Variants in CUBN observed in about 807,000 individuals in gnomAD.
CUBN encodes the protein 460 kDa receptor.
Under a neutral mutation model 405.3 loss-of-function variants are expected in CUBN, and 282 were observed. That is an observed-to-expected ratio of 0.70 (90% CI 0.63 to 0.77). CUBN has a LOEUF of 0.77. Ranked by LOEUF, CUBN falls within the 30% of genes least tolerant of loss-of-function variation. The pLI, the probability that CUBN is intolerant of heterozygous loss-of-function variation, is 0.00. For missense variants in CUBN, 4,514 were observed against 4,475.2 expected (o/e 1.01, Z -0.25); for synonymous variants, 1,684 against 1,617.0 (o/e 1.04, Z -0.99).
At chr10:17,102,799 G>C (rs1194823643) in intron 13 of CUBN, among the ~76,000 whole-genome samples, 1 of 151,432 alleles carries the variant, frequency 6.6e-6, no homozygotes, top group African/African-American at 2.4e-5. Flanking sequence ...TTTATTTTTA[G>C]TAGAGACAGG....
intron 38 of CUBN, among the ~76,000 whole-genome samples, chr10:16,938,001 G>A (rs1393745413): frequency 6.6e-6 from 1 of 152,038 alleles, no homozygotes; most frequent in Non-Finnish European, 1.5e-5. Context: ...CATCTTTGTT[G>A]CAGAATTATA....
chr10:16,884,896 C>T (rs1265460287), intron 56 of CUBN, among the ~76,000 whole-genome samples: 1 of 151,904 alleles, frequency 6.6e-6, no homozygotes, highest in Non-Finnish European at 1.5e-5. Flanking sequence ...TCAACACTGG[C>T]TCTGCTGGGA....
chr10:17,126,004 C>T (rs550699412), intron 4 of CUBN, among the ~76,000 whole-genome samples: 1 of 152,234 alleles, frequency 6.6e-6, no homozygotes, highest in East Asian at 1.9e-4. Context: ...CTGCATGAGT[C>T]CTTTTTTTTG....
At chr10:17,063,333 C>A (rs1296121101) in intron 22 of CUBN, among the ~76,000 whole-genome samples, 1 of 152,198 alleles carries the variant, frequency 6.6e-6, no homozygotes, top group East Asian at 1.9e-4. Flanking sequence ...CAGCCGGGCT[C>A]AGCCCAGGGA....
In CUBN at chr10:17,071,816, T is replaced by G. The variant is rs372125740; in HGVS notation, c.2446+11A>C. 7 of 1,610,492 alleles carry G rather than the reference T, an allele frequency of 4.3e-6. No homozygotes were observed. Among genetic ancestry groups the G allele is most frequent in the Non-Finnish European group, 5.9e-6 (7 of 1,178,982 alleles). On this transcript the variant is annotated intron_variant, in intron 18 of 66. Coordinates refer to ENST00000377833, the MANE Select transcript of CUBN (RefSeq NM_001081.4). ...GCAAATTAGACATTTAAAAATTATA[T>G]GTTTCCTTACCGACTTGATAAACAG...
intron 40 of CUBN, among the ~76,000 whole-genome samples, chr10:16,932,544 C>A (rs1315995401): frequency 6.6e-6 from 1 of 152,186 alleles, no homozygotes; most frequent in Non-Finnish European, 1.5e-5. Flanking sequence ...ACCTATTCTA[C>A]CCACATTCAG....
chr10:16,940,986 C>T (rs775200913), intron 36 of CUBN, among the ~76,000 whole-genome samples: 27 of 152,098 alleles, frequency 1.8e-4, no homozygotes, highest in African/African-American at 3.4e-4. Context: ...TCTGCAACTA[C>T]GATGTGTTGG....
rs371636377 is a variant in CUBN at position 16,836,354 on chromosome 10, C to A, written c.10061G>T (p.Cys3354Phe). The change falls in exon 63 of 67, where the codon TGT becomes TTT. Residue 3354 changes from cysteine to phenylalanine, a missense_variant. Physicochemically the swap from Cys to Phe is radical, Grantham distance 205 (BLOSUM62 -2). This residue lies in a region of CUBN where 1,186 missense variants were observed against 1,186.9 expected (regional missense o/e 1.00). Coordinates refer to ENST00000377833, the MANE Select transcript of CUBN (RefSeq NM_001081.4). ...TGGCACAGCCGAAGCATTTCTGCCA[C>A]AGAACTGAAATCTTGAATTTCCGTG... ...QGHGNSRFQF[C>F]GRNASAVPVF... 1 of 1,614,110 alleles carries A rather than the reference C, an allele frequency of 6.2e-7. No individual in the cohort carries two copies. The highest frequency in any genetic ancestry group is 8.5e-7 in the Non-Finnish European group (1 of 1,179,952).
intron 22 of CUBN, among the ~76,000 whole-genome samples, chr10:17,049,340 C>A (rs192507452): frequency 2.0e-5 from 3 of 152,150 alleles, no homozygotes; most frequent in Admixed American, 1.3e-4. Flanking sequence ...GCCAGTAAAT[C>A]AAATATTTAG....
chr10:16,997,732 G>T (rs556684421), intron 28 of CUBN, among the ~76,000 whole-genome samples: 3 of 152,290 alleles, frequency 2.0e-5, no homozygotes, highest in South Asian at 4.1e-4. Context: ...GGCCAAAGTT[G>T]TCCAAAGGTG....
At chr10:16,882,862 T>C (rs1840701302) in intron 56 of CUBN, among the ~76,000 whole-genome samples, 1 of 151,762 alleles carries the variant, frequency 6.6e-6, no homozygotes, top group Admixed American at 6.6e-5. Context: ...AAAAATACAA[T>C]TATTAGCTGG....
At chr10:16,963,914 G>C (rs1317209660) in intron 31 of CUBN, among the ~76,000 whole-genome samples, 2 of 152,148 alleles carry the variant, frequency 1.3e-5, no homozygotes, top group African/African-American at 4.8e-5. Flanking sequence ...AAACCTTCAT[G>C]GGAATCACAA....
chr10:16,862,449 G>A (rs865984084), intron 59 of CUBN, among the ~76,000 whole-genome samples: 1 of 152,088 alleles, frequency 6.6e-6, no homozygotes, highest in Admixed American at 6.6e-5. Flanking sequence ...TGCTACATCT[G>A]GTAGGGCACA....
intron 33 of CUBN, among the ~76,000 whole-genome samples, chr10:16,951,951 A>G (rs937211577): frequency 1.3e-5 from 2 of 152,158 alleles, no homozygotes; most frequent in African/African-American, 4.8e-5. Flanking sequence ...TTTACCCCCA[A>G]TCTCATACGC....
In CUBN at chr10:17,115,511, T is replaced by C. The variant is rs371001896; in HGVS notation, c.680A>G (p.His227Arg). Reference sequence around the variant, plus strand: ...TCGCATTAAATCCTCACAGATGCCATGGACACAGCGTGCCACAGAACCCCC... The same window carrying C: ...TCGCATTAAATCCTCACAGATGCCACGGACACAGCGTGCCACAGAACCCCC... Reference protein sequence around the residue: ...CEGGSVARCVHGICEDLMREQ... With the variant: ...CEGGSVARCVRGICEDLMREQ... The change falls in exon 7 of 67, where the codon CAT becomes CGT. Residue 227 changes from histidine (H) to arginine (R), a missense_variant. Around this residue, in one of 5 missense-constraint regions of CUBN, gnomAD observed 1,448 missense variants for 1,388.0 expected, o/e 1.04. Coordinates refer to ENST00000377833, the MANE Select transcript of CUBN (RefSeq NM_001081.4). 54 of 1,614,156 alleles carry C rather than the reference T, an allele frequency of 3.3e-5. No homozygotes were observed. The highest frequency in any genetic ancestry group is 5.3e-5 in the African/African-American group (4 of 75,028).
chr10:17,071,658 C>T (rs897439472), intron 18 of CUBN, 54 bp from the exon 19 acceptor site: 3 of 1,567,450 alleles, frequency 1.9e-6, no homozygotes, highest in Non-Finnish European at 2.6e-6. Context: ...AATTTTATCT[C>T]AATTTTATTG....
intron 31 of CUBN, among the ~76,000 whole-genome samples, chr10:16,960,743 C>A (rs1369016799): frequency 6.6e-6 from 1 of 152,146 alleles, no homozygotes; most frequent in Admixed American, 6.5e-5. Flanking sequence ...ATAGTAGACA[C>A]AATTGTGGGT....
At chr10:16,999,474 T>G (rs10508518) in intron 28 of CUBN, among the ~76,000 whole-genome samples, 39,411 of 152,174 alleles carry the variant, frequency 0.26, 5,824 homozygotes, top group East Asian at 0.42. Context: ...AGAAATCCCT[T>G]GCTTACAATT....
intron 59 of CUBN, 73 bp downstream of exon 59, chr10:16,869,563 G>A (rs945370126): frequency 1.7e-5 from 17 of 979,456 alleles, no homozygotes; most frequent in African/African-American, 3.4e-5. Context: ...GGGGTGGGGG[G>A]GGGGCGGGGA....
Sources: allele counts gnomAD v4.1 joint callset (sites outside exome capture counted in the v4.1 genomes callset), GRCh38; gene constraint gnomAD v4.1.1; regional missense constraint gnomAD v4.1.1; transcripts MANE v1.5; gene names NCBI Gene and HGNC (gene_info 2026-07-23, HGNC 2026-07-21).